EYS: variants seen among roughly 807,000 people sequenced by gnomAD.
EYS encodes the protein EGF-like photoreceptor maintenance factor.
EYS carries 250 observed loss-of-function variants against 282.1 expected under a neutral mutation model. That is an observed-to-expected ratio of 0.89 (90% CI 0.80 to 0.98). The LOEUF is 0.98. EYS is among the 50% of genes least tolerant of loss of function. The probability of loss-of-function intolerance (pLI) is 0.00; values close to 1 mark genes in which losing one functional copy is unlikely to be tolerated. For missense variants in EYS, 4,016 were observed against 3,709.0 expected (o/e 1.08, Z -2.15); for synonymous variants, 1,355 against 1,282.9 (o/e 1.06, Z -1.20).
chr6:64,367,773 C>A (rs1311812963), intron 29 of EYS, among the ~76,000 whole-genome samples: 1 of 152,056 alleles, frequency 6.6e-6, no homozygotes, highest in Non-Finnish European at 1.5e-5. Flanking sequence ...TACCCTGAGG[C>A]TCCCTTCCCA....
chr6:64,339,865 A>G (rs914979210), intron 29 of EYS, among the ~76,000 whole-genome samples: 6 of 151,754 alleles, frequency 4.0e-5, no homozygotes, highest in Non-Finnish European at 7.4e-5. Context: ...ACAAAGGCAT[A>G]GGAATGATAC....
intron 28 of EYS, among the ~76,000 whole-genome samples, chr6:64,397,607 G>A (rs1383673295): frequency 1.3e-5 from 2 of 151,760 alleles, no homozygotes; most frequent in African/African-American, 4.8e-5. Flanking sequence ...ATTGGTTTTG[G>A]AACTCCCACA....
intron 22 of EYS, among the ~76,000 whole-genome samples, chr6:64,640,977 A>G (rs1246276560): frequency 6.6e-6 from 1 of 152,186 alleles, no homozygotes; most frequent in Non-Finnish European, 1.5e-5. Flanking sequence ...TACTTTATAC[A>G]AAATATTCAG....
intron 2 of EYS, among the ~76,000 whole-genome samples, chr6:65,506,172 G>A (rs1309502688): frequency 2.0e-5 from 3 of 152,076 alleles, no homozygotes; most frequent in Non-Finnish European, 4.4e-5. Flanking sequence ...ATTAGTGGGA[G>A]CATAATATAT....
At position 63,984,589 on chromosome 6, in the gene EYS, T is replaced by C; in HGVS notation, c.6849A>G (p.Ser2283=). Residue 2283 remains serine (S), a synonymous_variant, in exon 35 of 43, where the codon TCA becomes TCG. Coordinates refer to ENST00000503581, the MANE Select transcript of EYS (RefSeq NM_001142800.2). ...ISHASQAYFE[S]MFLGHIPANV... ...TTGCAGGAATATGGCCAAGGAACAT[T>C]GATTCAAAATATGCCTGTAGAAAAA... is the stretch of plus-strand genomic sequence containing the variant. 6.5e-7 allele frequency: 1 copy of C among 1,548,252 alleles called. No individual in the cohort carries two copies. The highest frequency in any genetic ancestry group is 1.2e-5 in the South Asian group (1 of 83,944).
chr6:64,265,149 A>G (rs897667682), intron 30 of EYS, among the ~76,000 whole-genome samples: 1 of 152,030 alleles, frequency 6.6e-6, no homozygotes, highest in African/African-American at 2.4e-5. Context: ...ATTTTTTATT[A>G]CCTCCGAAAA....
intron 18 of EYS, among the ~76,000 whole-genome samples, chr6:64,901,294 G>GTATATATATATATATATATATATATA (rs70999177): frequency 2.4e-4 from 31 of 127,748 alleles, no homozygotes; most frequent in African/African-American, 6.6e-4. Flanking sequence ...ATGTAGTTGA[G>GTATATATATATATATATATATATATA]TATATATATA....
chr6:64,032,678 C>A (rs533079732), intron 33 of EYS, among the ~76,000 whole-genome samples: 1 of 152,138 alleles, frequency 6.6e-6, no homozygotes, highest in Non-Finnish European at 1.5e-5. Context: ...ACACAGCCCA[C>A]CCTTGATTTT....
chr6:63,756,702 C>T (rs552905134), intron 41 of EYS, among the ~76,000 whole-genome samples: 16 of 152,008 alleles, frequency 1.1e-4, no homozygotes, highest in South Asian at 4.1e-4. Flanking sequence ...GCTGGAGCCA[C>T]GGCAGAGGAA....
At chr6:63,898,332 C>A (rs1773584122) in intron 35 of EYS, among the ~76,000 whole-genome samples, 1 of 151,474 alleles carries the variant, frequency 6.6e-6, no homozygotes, top group Admixed American at 6.6e-5. Flanking sequence ...ACGAAAAATA[C>A]AAAAAAAATT....
intron 5 of EYS, among the ~76,000 whole-genome samples, chr6:65,425,521 G>A (rs1276858534): frequency 6.6e-6 from 1 of 152,046 alleles, no homozygotes. Context: ...TTGTTGGGGA[G>A]GCTATCTTGC....
chr6:64,776,449 A>G (rs1218684159), intron 22 of EYS, among the ~76,000 whole-genome samples: 1 of 152,066 alleles, frequency 6.6e-6, no homozygotes. Flanking sequence ...TTAAAAACAT[A>G]TATAGGAAAA....
rs1767283541 is a variant in EYS, at chr6:64,253,303, A to T, written c.6192-22479T>A. ...CTCTTCTAAGCCTTTAATTGCACAC[A>T]TCAGAAACTCTTGAGAAATATTGTT... On this transcript the variant is annotated intron_variant, in intron 30 of 42. Transcript: ENST00000503581. Among the ~76,000 whole-genome samples, 3 of 152,284 alleles carry T rather than the reference A, an allele frequency of 2.0e-5. No homozygotes were observed. The South Asian group carries it at 6.2e-4, about 32-fold the overall frequency.
chr6:63,933,711 T>C (rs1407612659), intron 35 of EYS, among the ~76,000 whole-genome samples: 1 of 152,098 alleles, frequency 6.6e-6, no homozygotes, highest in East Asian at 1.9e-4. Context: ...ACCAGCCATC[T>C]CATGAACATA....
At chr6:64,691,508 A>G (rs1207530753) in intron 22 of EYS, among the ~76,000 whole-genome samples, 1 of 152,168 alleles carries the variant, frequency 6.6e-6, no homozygotes, top group Non-Finnish European at 1.5e-5. Flanking sequence ...TAAAAATTTC[A>G]GTTTCAACTT....
chr6:63,961,952 C>T (rs1766084959), intron 35 of EYS, among the ~76,000 whole-genome samples: 1 of 152,094 alleles, frequency 6.6e-6, no homozygotes, highest in Non-Finnish European at 1.5e-5. Context: ...TTTGATAATG[C>T]TGCATATCTA....
At chr6:64,087,931 TC>T (rs1582249638) in intron 31 of EYS, among the ~76,000 whole-genome samples, 1 of 152,232 alleles carries the variant, frequency 6.6e-6, no homozygotes, top group East Asian at 1.9e-4. Context: ...AAAAATGACT[TC>T]CGTGTTGCTT....
intron 12 of EYS, among the ~76,000 whole-genome samples, chr6:65,134,188 T>G (rs1348289047): frequency 2.6e-5 from 4 of 152,124 alleles, no homozygotes; most frequent in Non-Finnish European, 1.5e-5. Context: ...GTTTAATCAT[T>G]GTGGAAAGCA....
intron 5 of EYS, among the ~76,000 whole-genome samples, chr6:65,435,858 A>T (rs911673646): frequency 1.3e-5 from 2 of 152,168 alleles, no homozygotes; most frequent in African/African-American, 2.4e-5. Context: ...AGATTAGGAC[A>T]TAGAGGCACA....
Sources: allele counts gnomAD v4.1 joint callset (sites outside exome capture counted in the v4.1 genomes callset), GRCh38; gene constraint gnomAD v4.1.1; transcripts MANE v1.5; gene names NCBI Gene and HGNC (gene_info 2026-07-23, HGNC 2026-07-21).